Variants in FAF1 observed in about 807,000 individuals in gnomAD.
The protein encoded by FAF1 is Fas associated factor 1.
FAF1 carries 25 observed loss-of-function variants against 92.5 expected under a neutral mutation model. That is an observed-to-expected ratio of 0.27 (90% CI 0.20 to 0.38). The LOEUF (loss-of-function observed/expected upper bound fraction) is 0.38, where lower values mean the gene tolerates loss of function less well. Ranked by LOEUF, FAF1 falls within the 10% of genes least tolerant of loss-of-function variation. FAF1 has a pLI of 1.00. For synonymous variants in FAF1, 234 were observed against 273.2 expected (o/e 0.86, Z 1.42); for missense variants, 636 against 793.3 (o/e 0.80, Z 2.38).
rs1353111399 is a variant in FAF1 at position 50,726,257 on chromosome 1, A to C, written c.551+12606T>G. On this transcript the variant is annotated intron_variant, in intron 6 of 18. Transcript: ENST00000396153. ...GGTGACAGAGCAAGACTCAATCTCA[A>C]AAAAATAATAATAATAAATAACTGG... Among the ~76,000 whole-genome samples, 8 of 152,228 alleles carry C rather than the reference A, an allele frequency of 5.3e-5. 1 individual carries two copies. The South Asian group carries it at 1.0e-3, about 20-fold the overall frequency.
chr1:50,875,054 G>GT (rs1461914033), intron 1 of FAF1, among the ~76,000 whole-genome samples: 2 of 151,558 alleles, frequency 1.3e-5, no homozygotes, highest in African/African-American at 4.8e-5. Context: ...ATACCACCAT[G>GT]TTTTTTATAT....
intron 14 of FAF1, among the ~76,000 whole-genome samples, chr1:50,539,319 T>C (rs761373059): frequency 2.6e-5 from 4 of 152,240 alleles, no homozygotes; most frequent in Admixed American, 6.5e-5. Context: ...TATGTCCTAA[T>C]TGATAGATTA....
At position 50,679,314 on chromosome 1, in the gene FAF1, A is replaced by G. The variant is rs1018864228; in HGVS notation, c.658-23786T>C. On this transcript the variant is annotated intron_variant, in intron 7 of 18. Coordinates refer to ENST00000396153, the MANE Select transcript of FAF1 (RefSeq NM_007051.3). ...TTATTCCTTTACTTTCTTAAAAAAA[A>G]AAAAAGTACAAAAAAAAAGAATAGC... Among the ~76,000 whole-genome samples the G allele has an allele frequency of 3.3e-5, 4 of 122,960 alleles. No homozygotes were observed. The East Asian group carries it at 8.0e-4, about 24-fold the overall frequency. The allele number at this position is 122,960 out of a possible 152,430, so 80.7% of individuals were successfully genotyped here. A position where few individuals can be genotyped will look rare whatever the true frequency, so the allele number is the denominator to read the frequency against.
chr1:50,771,578 A>T (rs1452045875), intron 4 of FAF1, among the ~76,000 whole-genome samples: 1 of 152,180 alleles, frequency 6.6e-6, no homozygotes, highest in Non-Finnish European at 1.5e-5. Flanking sequence ...ATACCATGTT[A>T]TACCAGTCAG....
intron 1 of FAF1, among the ~76,000 whole-genome samples, chr1:50,901,681 A>G (rs1644797964): frequency 6.6e-6 from 1 of 152,176 alleles, no homozygotes; most frequent in Non-Finnish European, 1.5e-5. Context: ...AGCCTAGGCA[A>G]CATGGTAAAA....
intron 15 of FAF1, among the ~76,000 whole-genome samples, chr1:50,507,512 G>A (rs1407197541): frequency 1.3e-5 from 2 of 152,070 alleles, no homozygotes; most frequent in Non-Finnish European, 2.9e-5. Flanking sequence ...GGCCAAAGTC[G>A]GAGGATTCCT....
At chr1:50,556,817 C>T (rs1048289279) in intron 13 of FAF1, among the ~76,000 whole-genome samples, 5 of 150,816 alleles carry the variant, frequency 3.3e-5, no homozygotes, top group Admixed American at 6.6e-5. Flanking sequence ...AGCCTGGGCA[C>T]CAGAGCAAGA....
intron 14 of FAF1, among the ~76,000 whole-genome samples, chr1:50,537,386 A>G (rs1339847602): frequency 6.6e-6 from 1 of 152,188 alleles, no homozygotes; most frequent in Non-Finnish European, 1.5e-5. Context: ...AAAGTATACC[A>G]GTTAATGCAG....
intron 6 of FAF1, among the ~76,000 whole-genome samples, chr1:50,716,108 A>C (rs1330890420): frequency 1.3e-5 from 2 of 152,204 alleles, no homozygotes; most frequent in East Asian, 3.9e-4. Context: ...TTAAGGTTGA[A>C]TTATGTTAGT....
chr1:50,873,235 A>G (rs1455256340), intron 1 of FAF1, among the ~76,000 whole-genome samples: 1 of 152,224 alleles, frequency 6.6e-6, no homozygotes, highest in Admixed American at 6.5e-5. Flanking sequence ...GTGTAAATAT[A>G]ACTTATATGC....
intron 7 of FAF1, among the ~76,000 whole-genome samples, chr1:50,660,598 A>T (rs945211543): frequency 4.0e-5 from 6 of 151,554 alleles, no homozygotes; most frequent in Non-Finnish European, 8.8e-5. Context: ...GATTCAAGCG[A>T]TTCTCCTGCC....
intron 12 of FAF1, among the ~76,000 whole-genome samples, chr1:50,576,639 C>CG (rs1558001580): frequency 6.6e-6 from 1 of 150,968 alleles, no homozygotes; most frequent in Non-Finnish European, 1.5e-5. Context: ...CACCGCCCCC[C>CG]CCCCGCCACC....
At chr1:50,726,200 G>C (rs1314459729) in intron 6 of FAF1, among the ~76,000 whole-genome samples, 2 of 152,046 alleles carry the variant, frequency 1.3e-5, no homozygotes, top group African/African-American at 2.4e-5. Flanking sequence ...AGGTTGCAGA[G>C]AGCCGAGATT....
chr1:50,499,817 G>T lies in FAF1; in HGVS notation c.1495-8016C>A, dbSNP rs1149792. On this transcript the variant is annotated intron_variant, in intron 15 of 18. Transcript: ENST00000396153. ...AGAACAAAGAAATTTGTTACTGGTT[G>T]TGGTCAATTAGCTGTAAACACCACT... is the stretch of plus-strand genomic sequence containing the variant. Among the ~76,000 whole-genome samples the T allele has an allele frequency of 5.1e-3, 781 of 152,150 alleles. 8 individuals are homozygous for T. Among genetic ancestry groups the T allele is most frequent in the African/African-American group, 0.018 (735 of 41,502 alleles).
chr1:50,491,633 G>A (rs1173703631), intron 16 of FAF1, 88 bp downstream of exon 16: 13 of 895,618 alleles, frequency 1.5e-5, no homozygotes, highest in African/African-American at 3.4e-5. Context: ...TGCAAACCCA[G>A]TATTTTTAGG....
At chr1:50,772,192 A>AAATG (rs1660797024) in intron 4 of FAF1, among the ~76,000 whole-genome samples, 1 of 152,170 alleles carries the variant, frequency 6.6e-6, no homozygotes, top group Admixed American at 6.6e-5. Context: ...ATAAATAAAT[A>AAATG]AATAATAGAT....
At chr1:50,694,024 C>CAT (rs200535401) in intron 7 of FAF1, among the ~76,000 whole-genome samples, 2 of 148,452 alleles carry the variant, frequency 1.3e-5, no homozygotes, top group African/African-American at 5.2e-5. Flanking sequence ...ACATATATGA[C>CAT]ATATATATGA....
At chr1:50,714,887 C>A in intron 6 of FAF1, 1 of 276,014 alleles carries the variant, frequency 3.6e-6, no homozygotes. Flanking sequence ...GCCAAGAAAC[C>A]ATAGCATTGA....
At chr1:50,944,942 T>C (rs960706398) in intron 1 of FAF1, among the ~76,000 whole-genome samples, 2 of 152,118 alleles carry the variant, frequency 1.3e-5, no homozygotes, top group African/African-American at 4.8e-5. Flanking sequence ...GACGAGATAA[T>C]CCTTTTCTGG....
Sources: allele counts gnomAD v4.1 joint callset (sites outside exome capture counted in the v4.1 genomes callset), GRCh38; gene constraint gnomAD v4.1.1; transcripts MANE v1.5; gene names NCBI Gene and HGNC (gene_info 2026-07-23, HGNC 2026-07-21).